TMTC1: variants seen among roughly 807,000 people sequenced by gnomAD.
TMTC1 encodes the protein protein O-mannosyl-transferase TMTC1.
A neutral mutation model predicts 104.8 loss-of-function variants in TMTC1; 73 were observed. The ratio of observed to expected loss-of-function variants is 0.70; its 90% CI spans 0.58 to 0.85. The LOEUF (loss-of-function observed/expected upper bound fraction) is 0.85. Ranked by LOEUF, TMTC1 falls within the 40% of genes least tolerant of loss-of-function variation. The pLI is 0.00. For missense variants in TMTC1, 1,035 were observed against 1,096.1 expected, an observed-to-expected ratio of 0.94 and a Z score of 0.79; for synonymous variants, 434 against 428.7, an observed-to-expected ratio of 1.01 and a Z score of -0.15.
chr12:29,629,162 A>T (rs1938162679), intron 6 of TMTC1, among the ~76,000 whole-genome samples: 1 of 151,874 alleles, frequency 6.6e-6, no homozygotes, highest in African/African-American at 2.4e-5. Flanking sequence ...TACTAAAAAA[A>T]TACAAAAAAT....
chr12:29,567,543 G>C (rs1450064236), intron 9 of TMTC1, among the ~76,000 whole-genome samples: 1 of 152,136 alleles, frequency 6.6e-6, no homozygotes. Context: ...TGTGATATTA[G>C]AAAGCATATT....
At chr12:29,710,086 CT>C (rs1941858319) in intron 5 of TMTC1, among the ~76,000 whole-genome samples, 1 of 152,062 alleles carries the variant, frequency 6.6e-6, no homozygotes. Context: ...GGGTCTCTAT[CT>C]GTCTCTAGTC....
chr12:29,744,672 A>G (rs1942906657), intron 5 of TMTC1, among the ~76,000 whole-genome samples: 1 of 152,216 alleles, frequency 6.6e-6, no homozygotes, highest in Admixed American at 6.5e-5. Flanking sequence ...ATTAATGGTT[A>G]AGAAACAGTA....
chr12:29,612,005 G>A (rs1465198376), intron 6 of TMTC1, among the ~76,000 whole-genome samples: 3 of 152,180 alleles, frequency 2.0e-5, no homozygotes, highest in Admixed American at 6.5e-5. Flanking sequence ...GAGAGCATGA[G>A]AGACTTCTCT....
At chr12:29,593,837 G>C (rs1029378590) in intron 7 of TMTC1, among the ~76,000 whole-genome samples, 15 of 152,204 alleles carry the variant, frequency 9.9e-5, no homozygotes, top group Admixed American at 4.6e-4. Context: ...TTCTTTTTAG[G>C]ATAGAATAAC....
chr12:29,585,704 T>C lies in TMTC1; in HGVS notation c.1251-2130A>G, dbSNP rs568609225. On this transcript the variant is annotated intron_variant, in intron 7 of 17. Coordinates refer to ENST00000539277, the MANE Select transcript of TMTC1 (RefSeq NM_001193451.2). ...CACCATTTATTAAATAGGGAATCCTTTCCCCATTGCTTTTTGTCAGGTTTG... is the reference window on the plus strand; with the variant it reads ...CACCATTTATTAAATAGGGAATCCTCTCCCCATTGCTTTTTGTCAGGTTTG... Among the ~76,000 whole-genome samples the C allele has an allele frequency of 3.3e-5, 5 of 152,362 alleles. No individual in the cohort carries two copies. The South Asian group carries it at 8.3e-4, about 25-fold the overall frequency.
rs1437392047 is a variant in TMTC1, at chr12:29,633,207, G to C, written c.1068C>G (p.Ala356=). 1 of 1,614,020 alleles carries C rather than the reference G, an allele frequency of 6.2e-7. No individual in the cohort carries two copies. The highest frequency in any genetic ancestry group is 8.5e-7 in the Non-Finnish European group (1 of 1,179,974). Residue 356 remains alanine, a synonymous_variant, in exon 6 of 18, where the codon GCC becomes GCG. Coordinates refer to ENST00000539277, the MANE Select transcript of TMTC1 (RefSeq NM_001193451.2). The stretch of plus-strand genomic sequence containing the variant: ...CCATCACAACCGCCAGAAAGATGGT[G>C]GCTAAGTTCCGCATGTCCCATATGG... ...VETIWDMRNL[A]TIFLAVVMAL...
chr12:29,636,832 C>T (rs1322591078), intron 5 of TMTC1, among the ~76,000 whole-genome samples: 1 of 151,246 alleles, frequency 6.6e-6, no homozygotes, highest in East Asian at 1.9e-4. Flanking sequence ...ACTGCTTGAG[C>T]CCCAGAGTTT....
At chr12:29,643,605 T>TATATATATCTATATATA (rs1939004929) in intron 5 of TMTC1, among the ~76,000 whole-genome samples, 1 of 52,392 alleles carries the variant, frequency 1.9e-5, no homozygotes, top group Non-Finnish European at 3.1e-5. Flanking sequence ...TATTATATAT[T>TATATATATCTATATATA]ATATATAATA....
At position 29,687,463 on chromosome 12, in the gene TMTC1, A is replaced by G. The variant is rs1388783480; in HGVS notation, c.939-54127T>C. Among the ~76,000 whole-genome samples, 3 of 152,228 alleles carry G rather than the reference A, an allele frequency of 2.0e-5. No homozygotes were observed. The East Asian group carries it at 5.8e-4, about 29-fold the overall frequency. On this transcript the variant is annotated intron_variant, in intron 5 of 17. Transcript: ENST00000539277. ...GAAGAAAGACTGATAAACTCTTCCA[A>G]ATTAAACGAGACTAAGAGACATGAT...
chr12:29,600,191 G>A (rs1036633137), intron 7 of TMTC1, among the ~76,000 whole-genome samples: 1 of 151,508 alleles, frequency 6.6e-6, no homozygotes, highest in African/African-American at 2.4e-5. Context: ...AAATGGAACA[G>A]GCATTATCCA....
chr12:29,750,960 C>G (rs1183734267), intron 5 of TMTC1, among the ~76,000 whole-genome samples: 1 of 152,242 alleles, frequency 6.6e-6, no homozygotes, highest in Non-Finnish European at 1.5e-5. Flanking sequence ...CCTGTCCCAG[C>G]AGGGGAGCCC....
intron 9 of TMTC1, among the ~76,000 whole-genome samples, chr12:29,570,837 C>T (rs1197540474): frequency 6.6e-6 from 1 of 150,608 alleles, no homozygotes; most frequent in African/African-American, 2.4e-5. Context: ...GAGCGAGAGA[C>T]TCCGTCTCAA....
intron 1 of TMTC1, among the ~76,000 whole-genome samples, chr12:29,781,406 C>G (rs1943833311): frequency 6.6e-6 from 1 of 152,202 alleles, no homozygotes; most frequent in Non-Finnish European, 1.5e-5. Context: ...TCCTGAATCC[C>G]CCAACTCTCC....
At chr12:29,520,922 TC>T (rs1173435057) in intron 11 of TMTC1, 15 of 530,380 alleles carry the variant, frequency 2.8e-5, no homozygotes, top group African/African-American at 2.1e-4. Context: ...AAAATTCATA[TC>T]TGTATTTAGT....
Position 29,633,171 on chromosome 12 carries a change from G to A in TMTC1, c.1104C>T (p.Ser368=), listed in dbSNP as rs759499571. 2 of 1,613,798 alleles carry A rather than the reference G, an allele frequency of 1.2e-6. No individual in the cohort carries two copies. Among genetic ancestry groups the A allele is most frequent in the South Asian group, 2.2e-5 (2 of 91,050 alleles). Residue 368 remains serine (S), a synonymous_variant, in exon 6 of 18, where the codon AGC becomes AGT. Coordinates refer to ENST00000539277, the MANE Select transcript of TMTC1 (RefSeq NM_001193451.2). ...IFLAVVMALL[S]LHCLAAFKRL... is the part of the protein sequence containing the mutation. ...CCTTAAAGGCTGCTAAGCAGTGCAG[G>A]CTCAATAAGGCCATCACAACCGCCA...
At chr12:29,678,260 C>T (rs77393748) in intron 5 of TMTC1, among the ~76,000 whole-genome samples, 62 of 152,282 alleles carry the variant, frequency 4.1e-4, no homozygotes, top group East Asian at 2.7e-3. Flanking sequence ...TGCTGCTATA[C>T]GGTGGCTGAG....
intron 5 of TMTC1, among the ~76,000 whole-genome samples, chr12:29,724,262 G>C (rs1373262774): frequency 6.6e-6 from 1 of 152,184 alleles, no homozygotes; most frequent in Non-Finnish European, 1.5e-5. Context: ...GCGTTGGCAG[G>C]AGCCTGGAGC....
At chr12:29,733,487 C>T (rs1176192419) in intron 5 of TMTC1, among the ~76,000 whole-genome samples, 1 of 152,196 alleles carries the variant, frequency 6.6e-6, no homozygotes, top group Non-Finnish European at 1.5e-5. Context: ...CACTTATTAT[C>T]ACATTATTTT....
Sources: gnomAD v4.1 joint callset for allele counts (sites outside exome capture counted in the v4.1 genomes callset) on GRCh38, gnomAD v4.1.1 for gene constraint, MANE v1.5 for transcripts, NCBI Gene and HGNC (gene_info 2026-07-23, HGNC 2026-07-21) for gene names.